Variants in ADAM22 observed in about 807,000 individuals in gnomAD.
ADAM22 encodes the protein disintegrin and metalloproteinase domain-containing protein 22.
In ADAM22, 65 loss-of-function variants were observed where a neutral mutation model predicts 144.6. That is an observed-to-expected ratio of 0.45 (90% CI 0.37 to 0.55). ADAM22 has a LOEUF of 0.55. ADAM22 is among the 20% of genes least tolerant of loss of function. The pLI is 0.00. For synonymous variants in ADAM22, 391 were observed against 412.6 expected (o/e 0.95, Z 0.63); for missense variants, 974 against 1,184.9 (o/e 0.82, Z 2.61).
chr7:88,124,659 T>C lies in ADAM22; in HGVS notation c.608-930T>C, dbSNP rs184311695. 5.3e-5 allele frequency among the ~76,000 whole-genome samples: 8 copies of C among 152,098 alleles called. No individual in the cohort carries two copies. In the East Asian group the frequency reaches 1.5e-3, roughly 29 times the overall value. ...TTTTTCTGTTTGTCCTATTAGTTAA[T>C]TATAAAGGAGAACTTATTCCCTTTC... On this transcript the variant is annotated intron_variant, in intron 7 of 31. Coordinates refer to ENST00000413139, the MANE Select transcript of ADAM22 (RefSeq NM_001324418.2).
At chr7:87,955,521 G>A (rs188704928) in intron 2 of ADAM22, among the ~76,000 whole-genome samples, 30 of 152,256 alleles carry the variant, frequency 2.0e-4, no homozygotes, top group African/African-American at 4.8e-4. Context: ...GTACCCGGCC[G>A]TGTGAGGTGT....
chr7:87,949,434 AC>A (rs1322068611), intron 2 of ADAM22, among the ~76,000 whole-genome samples: 1 of 152,322 alleles, frequency 6.6e-6, no homozygotes, highest in East Asian at 1.9e-4. Context: ...CATTCATGTC[AC>A]TTTATAGCCC....
intron 7 of ADAM22, among the ~76,000 whole-genome samples, chr7:88,124,150 C>T (rs1356610443): frequency 6.6e-6 from 1 of 151,646 alleles, no homozygotes; most frequent in Non-Finnish European, 1.5e-5. Flanking sequence ...AGTGTTAAGT[C>T]TTCTATATCC....
chr7:88,141,250 C>T (rs1354850176), intron 14 of ADAM22, among the ~76,000 whole-genome samples: 2 of 152,222 alleles, frequency 1.3e-5, no homozygotes, highest in East Asian at 3.9e-4. Context: ...GCTGATTGCT[C>T]AAGTTGATTA....
At chr7:88,097,896 T>G (rs1220708846) in intron 4 of ADAM22, among the ~76,000 whole-genome samples, 1 of 152,164 alleles carries the variant, frequency 6.6e-6, no homozygotes, top group African/African-American at 2.4e-5. Context: ...TGGAAAGAGT[T>G]ATAATTTCAT....
chr7:88,028,886 A>G (rs1054024620), intron 3 of ADAM22, among the ~76,000 whole-genome samples: 7 of 151,982 alleles, frequency 4.6e-5, no homozygotes, highest in Non-Finnish European at 5.9e-5. Context: ...TTTTCAGTCT[A>G]TGTGTGTCCT....
intron 3 of ADAM22, among the ~76,000 whole-genome samples, chr7:88,053,600 G>GAA (rs1289804129): frequency 7.0e-5 from 4 of 57,206 alleles, no homozygotes; most frequent in African/African-American, 2.9e-4. Context: ...AGGAAAGAAA[G>GAA]AAAGAAAGAA....
At chr7:88,059,690 G>T (rs56050913) in intron 3 of ADAM22, among the ~76,000 whole-genome samples, 63,134 of 152,048 alleles carry the variant, frequency 0.42, 14,569 homozygotes, top group East Asian at 0.59. Flanking sequence ...AGTCATAAAA[G>T]AATGAAATCA....
chr7:87,997,854 G>T (rs1791594441), intron 3 of ADAM22, among the ~76,000 whole-genome samples: 1 of 152,230 alleles, frequency 6.6e-6, no homozygotes, highest in East Asian at 1.9e-4. Context: ...ATATGAAAGA[G>T]AGTTTATTAA....
chr7:88,128,355 C>T (rs1347797390), intron 8 of ADAM22, among the ~76,000 whole-genome samples: 1 of 151,982 alleles, frequency 6.6e-6, no homozygotes, highest in Admixed American at 6.6e-5. Context: ...GGACTAGGAA[C>T]TGAGTAGGTG....
chr7:88,048,342 G>A (rs1421007529), intron 3 of ADAM22, among the ~76,000 whole-genome samples: 3 of 151,740 alleles, frequency 2.0e-5, no homozygotes, highest in Non-Finnish European at 4.4e-5. Flanking sequence ...TACTATTCTG[G>A]GCCAATTATT....
intron 3 of ADAM22, among the ~76,000 whole-genome samples, chr7:88,033,794 C>T (rs1476017569): frequency 2.6e-5 from 4 of 152,168 alleles, no homozygotes; most frequent in Admixed American, 2.0e-4. Flanking sequence ...TGCCTTTCCA[C>T]AGGCAGAGGA....
At chr7:88,044,001 T>G (rs1164391902) in intron 3 of ADAM22, among the ~76,000 whole-genome samples, 1 of 152,242 alleles carries the variant, frequency 6.6e-6, no homozygotes, top group African/African-American at 2.4e-5. Flanking sequence ...TCAAATCAAC[T>G]ATTCTTCTCA....
At chr7:88,011,096 T>A (rs904572076) in intron 3 of ADAM22, among the ~76,000 whole-genome samples, 15 of 152,160 alleles carry the variant, frequency 9.9e-5, no homozygotes, top group Non-Finnish European at 2.1e-4. Flanking sequence ...TCTGACCCAT[T>A]TAACTTGGAA....
intron 5 of ADAM22, 38 bp from the exon 6 acceptor site, chr7:88,114,546 T>A (rs1563247978): frequency 6.3e-7 from 1 of 1,594,728 alleles, no homozygotes; most frequent in East Asian, 2.2e-5. Flanking sequence ...GGGATGAGAG[T>A]CGATGGCCAT....
chr7:88,084,432 TC>T (rs2129483687), intron 4 of ADAM22, among the ~76,000 whole-genome samples: 1 of 152,306 alleles, frequency 6.6e-6, no homozygotes, highest in East Asian at 1.9e-4. Context: ...ACTGCTTTGA[TC>T]TCACCTGTCA....
chr7:87,955,546 TG>T (rs1464199899), intron 2 of ADAM22, among the ~76,000 whole-genome samples: 4 of 152,160 alleles, frequency 2.6e-5, no homozygotes, highest in African/African-American at 4.8e-5. Context: ...CTGCCCCTAC[TG>T]GGGGGTGCCT....
intron 29 of ADAM22, among the ~76,000 whole-genome samples, chr7:88,182,752 C>G (rs930455161): frequency 3.3e-5 from 5 of 151,788 alleles, no homozygotes; most frequent in African/African-American, 9.7e-5. Context: ...AAAACAAAAC[C>G]TCCTCAAATC....
chr7:87,981,561 G>A (rs1853425502), intron 3 of ADAM22, among the ~76,000 whole-genome samples: 1 of 152,132 alleles, frequency 6.6e-6, no homozygotes, highest in Non-Finnish European at 1.5e-5. Flanking sequence ...GAGGGAGAGA[G>A]AGAGAGAAGC....
Sources: allele counts gnomAD v4.1 joint callset (sites outside exome capture counted in the v4.1 genomes callset), GRCh38; gene constraint gnomAD v4.1.1; transcripts MANE v1.5; gene names NCBI Gene and HGNC (gene_info 2026-07-23, HGNC 2026-07-21).